The following ECD variants were observed in gnomAD, a reference collection of about 807,000 sequenced individuals.
ECD encodes the protein ecdysoneless cell cycle regulator.
ECD carries 59 observed loss-of-function variants against 77.2 expected under a neutral mutation model. The ratio of observed to expected loss-of-function variants is 0.76; its 90% CI spans 0.62 to 0.95. The LOEUF (loss-of-function observed/expected upper bound fraction) is 0.95, where lower values mean the gene tolerates loss of function less well. ECD is among the 40% of genes least tolerant of loss of function. ECD has a pLI of 0.00. For synonymous variants in ECD, 233 were observed against 267.4 expected, an observed-to-expected ratio of 0.87 and a Z score of 1.26; for missense variants, 704 against 763.4, an observed-to-expected ratio of 0.92 and a Z score of 0.92.
In ECD at chr10:73,152,340, G is replaced by A; in HGVS notation, c.865C>T (p.Pro289Ser). 2 of 1,613,928 alleles carry A rather than the reference G, an allele frequency of 1.2e-6. No homozygotes were observed. The highest frequency in any genetic ancestry group is 2.2e-5 in the East Asian group (1 of 44,868). The change falls in exon 7 of 14, where the codon CCT becomes TCT. Residue 289 changes from proline to serine, a missense_variant. Around this residue, in one of 3 missense-constraint regions of ECD, gnomAD observed 559 missense variants for 583.7 expected, o/e 0.96. Transcript: ENST00000372979. The stretch of plus-strand genomic sequence containing the variant: ...GCTCGGTACTGGGGATCAGATGGAG[G>A]AGGCAGCCTGTATCCACTCCGCCGG... ...PDRRSGYRLPPPSDPQYRAHE... is the reference protein window; with the variant it reads ...PDRRSGYRLPSPSDPQYRAHE...
At chr10:73,140,017 C>T (rs1230775245) in intron 9 of ECD, among the ~76,000 whole-genome samples, 1 of 152,030 alleles carries the variant, frequency 6.6e-6, no homozygotes, top group African/African-American at 2.4e-5. Context: ...CAGAGTTTCA[C>T]TCTGTCGCCC....
At chr10:73,147,518 C>A (rs1843145553) in intron 8 of ECD, among the ~76,000 whole-genome samples, 2 of 151,748 alleles carry the variant, frequency 1.3e-5, no homozygotes, top group African/African-American at 4.8e-5. Context: ...CCATTGCACT[C>A]CAGCCTAGGC....
intron 3 of ECD, among the ~76,000 whole-genome samples, chr10:73,159,640 T>A (rs1278242563): frequency 6.9e-6 from 1 of 144,860 alleles, no homozygotes; most frequent in East Asian, 2.1e-4. Flanking sequence ...GACAGTACTT[T>A]AATTTTTTTT....
chr10:73,135,105 A>C (rs2133243469), intron 13 of ECD, among the ~76,000 whole-genome samples: 1 of 152,360 alleles, frequency 6.6e-6, no homozygotes. Context: ...TAGAATTAAG[A>C]AGGTACATTT....
intron 1 of ECD, among the ~76,000 whole-genome samples, chr10:73,166,266 A>C (rs146694991): frequency 0.011 from 1,673 of 152,266 alleles, 30 homozygotes; most frequent in African/African-American, 0.037. Flanking sequence ...GGCTACTGAG[A>C]ATAGTGCTGC....
At chr10:73,143,414 C>T (rs1031623397) in intron 9 of ECD, among the ~76,000 whole-genome samples, 1 of 152,222 alleles carries the variant, frequency 6.6e-6, no homozygotes, top group Non-Finnish European at 1.5e-5. Flanking sequence ...GATCCACCCG[C>T]CTTGGCCTCC....
At chr10:73,135,743 A>AATG (rs773055061) in intron 13 of ECD, among the ~76,000 whole-genome samples, 184 of 151,558 alleles carry the variant, frequency 1.2e-3, no homozygotes, top group Non-Finnish European at 1.3e-3. Context: ...TAATAATAAT[A>AATG]ATAAAATAAA....
chr10:73,143,227 G>A (rs1843080709), intron 9 of ECD, among the ~76,000 whole-genome samples: 1 of 152,210 alleles, frequency 6.6e-6, no homozygotes, highest in Admixed American at 6.5e-5. Context: ...GGAGTGCAGT[G>A]GTGCGATGTC....
At chr10:73,141,339 TAAAA>T (rs749192454) in intron 9 of ECD, 46 of 95,108 alleles carry the variant, frequency 4.8e-4, no homozygotes, top group South Asian at 3.6e-3. Flanking sequence ...CCGTCTCTAC[TAAAA>T]AAAAAAAAAA....
Position 73,160,450 on chromosome 10 carries a change from G to T in ECD, c.307C>A (p.Pro103Thr). The part of the protein sequence containing the change: ...YVIKQITKEF[P>T]ELVARIEDND... The stretch of plus-strand genomic sequence containing the variant: ...CTACAATACCTTGCTACTAACTCTG[G>T]AAATTCCTTTGTGATCTGCTTTATT... Residue 103 changes from proline to threonine, a missense_variant, in exon 3 of 14, where the codon CCA becomes ACA. Pro to Thr is a conservative substitution (Grantham distance 38, BLOSUM62 -1). Transcript: ENST00000372979. 6.3e-7 allele frequency: 1 copy of T among 1,597,316 alleles called. No homozygotes were observed. The highest frequency in any genetic ancestry group is 8.5e-7 in the Non-Finnish European group (1 of 1,173,982).
At chr10:73,157,546 C>T (rs1843312691) in intron 3 of ECD, among the ~76,000 whole-genome samples, 2 of 150,904 alleles carry the variant, frequency 1.3e-5, no homozygotes, top group African/African-American at 4.9e-5. Context: ...TGGAGAAACC[C>T]CGTCTCTACT....
At chr10:73,165,527 T>G (rs536285765) in intron 1 of ECD, among the ~76,000 whole-genome samples, 1 of 151,956 alleles carries the variant, frequency 6.6e-6, no homozygotes, top group East Asian at 1.9e-4. Context: ...AATTTTTGTA[T>G]TTTTAGTAGA....
chr10:73,154,324 C>A lies in ECD; in HGVS notation c.715G>T (p.Asp239Tyr). The A allele has an allele frequency of 6.2e-7, 1 of 1,614,024 alleles. No homozygotes were observed. The change falls in exon 6 of 14, where the codon GAC becomes TAC. Residue 239 changes from aspartate to tyrosine, a missense_variant. By Grantham distance (160) the Asp-to-Tyr change is radical (BLOSUM62 -3). Coordinates refer to ENST00000372979, the MANE Select transcript of ECD (RefSeq NM_007265.3). The part of the protein sequence containing the change: ...AAAVQAFYLR[D>Y]PIDLRACRVF... ...CGACAAGCTCGCAGGTCAATAGGGT[C>A]TCGTAGGTAAAATGCCTGGACTGCT...
chr10:73,145,327 C>T (rs1038799116), intron 9 of ECD, among the ~76,000 whole-genome samples: 1 of 151,568 alleles, frequency 6.6e-6, no homozygotes, highest in African/African-American at 2.4e-5. Context: ...GGTGACTAAG[C>T]GAGTCTCTGT....
At chr10:73,167,087 T>C (rs1487660174) in intron 1 of ECD, among the ~76,000 whole-genome samples, 2 of 152,210 alleles carry the variant, frequency 1.3e-5, no homozygotes. Flanking sequence ...CCCCAATGTA[T>C]GTTTTTGGTA....
intron 2 of ECD, among the ~76,000 whole-genome samples, chr10:73,161,525 A>G (rs1371659257): frequency 6.6e-6 from 1 of 152,218 alleles, no homozygotes; most frequent in Non-Finnish European, 1.5e-5. Flanking sequence ...AAATCTGAAC[A>G]GATCTATAAC....
rs753288233 is a variant in ECD, at chr10:73,143,847, T to TTC, written c.1127+2428_1127+2429insGA. On this transcript the variant is annotated intron_variant, in intron 9 of 13. Coordinates refer to ENST00000372979, the MANE Select transcript of ECD (RefSeq NM_007265.3). The stretch of plus-strand genomic sequence containing the variant: ...TTATAACTTGCTTTTTTTTTTTTTT[T>TTC]CACTGCATTATGTTTTTGAAATCTA... Among the ~76,000 whole-genome samples, 6 of 150,184 alleles carry TTC rather than the reference T, an allele frequency of 4.0e-5. 1 individual carries two copies. Among genetic ancestry groups the TTC allele is most frequent in the Admixed American group, 1.3e-4 (2 of 15,020 alleles).
chr10:73,155,730 G>A (rs61081832), intron 5 of ECD, among the ~76,000 whole-genome samples: 7,255 of 151,128 alleles, frequency 0.048, 544 homozygotes, highest in African/African-American at 0.16. Flanking sequence ...CTCCAAAGTA[G>A]CTGAGATTAC....
chr10:73,162,235 G>A (rs758117867), intron 2 of ECD, among the ~76,000 whole-genome samples: 45 of 152,266 alleles, frequency 3.0e-4, no homozygotes, highest in African/African-American at 1.0e-3. Flanking sequence ...GGCTGTTGTT[G>A]TTTTCCAGAT....
Sources: allele counts gnomAD v4.1 joint callset (sites outside exome capture counted in the v4.1 genomes callset), GRCh38; gene constraint gnomAD v4.1.1; regional missense constraint gnomAD v4.1.1; transcripts MANE v1.5; gene names NCBI Gene and HGNC (gene_info 2026-07-23, HGNC 2026-07-21).